ADH1C: variants seen among roughly 807,000 people sequenced by gnomAD.
The protein encoded by ADH1C is alcohol dehydrogenase 1C (class I), gamma polypeptide, also known as alcohol dehydrogenase 1C.
ADH1C carries 26 observed loss-of-function variants against 35.0 expected under a neutral mutation model. That is an observed-to-expected ratio of 0.74 (90% CI 0.54 to 1.03). The LOEUF (loss-of-function observed/expected upper bound fraction) is 1.03. Among genes scored for constraint, ADH1C ranks in the 50% least tolerant of loss-of-function variants. The pLI is 0.00. For missense variants in ADH1C, 413 were observed against 465.4 expected (o/e 0.89, Z 1.04); for synonymous variants, 170 against 169.3 (o/e 1.00, Z -0.03).
intron 1 of ADH1C, among the ~76,000 whole-genome samples, chr4:99,348,298 C>T (rs983782905): frequency 6.8e-5 from 9 of 132,844 alleles, no homozygotes; most frequent in Non-Finnish European, 1.3e-4. Flanking sequence ...CACAATAGTC[C>T]CCAGAGTGTG....
At chr4:99,341,671 A>C (rs1004259750) in intron 6 of ADH1C, among the ~76,000 whole-genome samples, 3 of 152,184 alleles carry the variant, frequency 2.0e-5, no homozygotes, top group Admixed American at 2.0e-4. Context: ...AACCTCAGCA[A>C]TGGAAACTTT....
chr4:99,346,989 G>A lies in ADH1C; in HGVS notation c.259+17C>T. The A allele has an allele frequency of 6.2e-7, 1 of 1,611,204 alleles. No homozygotes were observed. Among genetic ancestry groups the A allele is most frequent in the Non-Finnish European group, 8.5e-7 (1 of 1,178,880 alleles). ...GATGGTGAACCAAGGCATGTTCCCT[G>A]AGTGTGAATCCTGTACCTGGTTTGA... On this transcript the variant is annotated intron_variant, in intron 3 of 8. Coordinates refer to ENST00000515683, the MANE Select transcript of ADH1C (RefSeq NM_000669.5).
At chr4:99,347,706 T>A (rs574551283) in intron 2 of ADH1C, 39 bp downstream of exon 2, 2 of 1,556,430 alleles carry the variant, frequency 1.3e-6, no homozygotes, top group South Asian at 2.5e-5. Flanking sequence ...CTGAATTCTT[T>A]AAACTTAAAA....
At chr4:99,349,391 T>C (rs1457889923) in intron 1 of ADH1C, among the ~76,000 whole-genome samples, 1 of 152,190 alleles carries the variant, frequency 6.6e-6, no homozygotes, top group Non-Finnish European at 1.5e-5. Context: ...GATTTTTTTT[T>C]CTCCAAAGAT....
rs753360532 is a variant in ADH1C, at chr4:99,347,045, C to T, written c.220G>A (p.Val74Met). The T allele has an allele frequency of 8.1e-6, 13 of 1,613,926 alleles. No individual in the cohort carries two copies. Among genetic ancestry groups the T allele is most frequent in the Middle Eastern group, 1.6e-4 (1 of 6,084 alleles). The change falls in exon 3 of 9, where the codon GTG becomes ATG. Residue 74 changes from valine to methionine, a missense_variant. Transcript: ENST00000515683. ...VILGHEAAGI[V>M]ESVGEGVTTV... ...GTCACCCCTTCTCCAACACTTTCCACGATGCCGGCTGCCTCATGGCCTAAA... is the reference window on the plus strand; with the variant it reads ...GTCACCCCTTCTCCAACACTTTCCATGATGCCGGCTGCCTCATGGCCTAAA...
chr4:99,343,624 C>T (rs979936044), intron 5 of ADH1C, among the ~76,000 whole-genome samples: 1 of 152,180 alleles, frequency 6.6e-6, no homozygotes, highest in Non-Finnish European at 1.5e-5. Context: ...GTATATCCCT[C>T]CTTTAAAAAA....
At position 99,349,466 on chromosome 4, in the gene ADH1C, T is replaced by C. The variant is rs533437862; in HGVS notation, c.19-1620A>G. ...CTGTTTACCCACAACTATTGGCTGG[T>C]ACATGTTCTAAGTCACCTTTACTTT... On this transcript the variant is annotated intron_variant, in intron 1 of 8. Transcript: ENST00000515683. Among the ~76,000 whole-genome samples, 936 of 152,284 alleles carry C rather than the reference T, an allele frequency of 6.1e-3. 10 individuals carry two copies. Among genetic ancestry groups the C allele is most frequent in the African/African-American group, 0.022 (898 of 41,560 alleles).
At position 99,336,545 on chromosome 4, in the gene ADH1C, A is replaced by G. The variant is rs1734280885; in HGVS notation, c.*207T>C. ...GCTTCAATTCCCCAGTTGATGTTCA[A>G]CACTTTATTTAGTTCTCATTTGGAT... On this transcript the variant is annotated 3_prime_UTR_variant, in exon 9 of 9. Coordinates refer to ENST00000515683, the MANE Select transcript of ADH1C (RefSeq NM_000669.5). 1.5e-6 allele frequency: 1 copy of G among 652,456 alleles called. No homozygotes were observed. Among genetic ancestry groups the G allele is most frequent in the Non-Finnish European group, 2.6e-6 (1 of 383,002 alleles). 40.4% of individuals were successfully genotyped at this position (652,456 alleles called of 1,614,324 possible). A position where few individuals can be genotyped will look rare whatever the true frequency, so the allele number is the denominator to read the frequency against.
chr4:99,336,718 G>A lies in ADH1C; in HGVS notation c.*34C>T. 1 of 1,612,440 alleles carries A rather than the reference G, an allele frequency of 6.2e-7. No individual in the cohort carries two copies. Among genetic ancestry groups the A allele is most frequent in the Non-Finnish European group, 8.5e-7 (1 of 1,178,616 alleles). ...CAGATCATGTAGGGTAGAGGAGGCTGAAAACTGCTACAAGGGAAGGCATCT... is the reference window on the plus strand; with the variant it reads ...CAGATCATGTAGGGTAGAGGAGGCTAAAAACTGCTACAAGGGAAGGCATCT... On this transcript the variant is annotated 3_prime_UTR_variant, in exon 9 of 9. Coordinates refer to ENST00000515683, the MANE Select transcript of ADH1C (RefSeq NM_000669.5).
rs67420531 is a variant in ADH1C at position 99,336,772 on chromosome 4, G to A, written c.1108C>T (p.Arg370Cys). ...FDLLRSGKSI[R>C]TVLTF ...TTGTTTCAAAACGTCAGGACGGTAC[G>A]GATACTGCAATAGGAAAGAAGAGAC... Residue 370 changes from arginine to cysteine, a missense_variant, in exon 9 of 9, where the codon CGT becomes TGT. Transcript: ENST00000515683. 4.3e-6 allele frequency: 7 copies of A among 1,613,500 alleles called. No individual in the cohort carries two copies. The highest frequency in any genetic ancestry group is 1.7e-5 in the Admixed American group (1 of 59,920).
intron 1 of ADH1C, 140 bp downstream of exon 1, chr4:99,352,518 T>A: frequency 1.7e-6 from 1 of 601,928 alleles, no homozygotes; most frequent in East Asian, 3.2e-5. Context: ...CATTTCTAAT[T>A]TAGATATGAA....
intron 8 of ADH1C, among the ~76,000 whole-genome samples, chr4:99,339,216 G>C (rs1455898213): frequency 6.6e-6 from 1 of 152,090 alleles, no homozygotes; most frequent in African/African-American, 2.4e-5. Context: ...TTATATGACA[G>C]GCAGAGGTGT....
chr4:99,345,281 AAC>A lies in ADH1C; in HGVS notation c.260-17_260-16del. Reference sequence around the variant, plus strand: ...GACTTTATCACCTGCAGAGGAATAAAACAAATTCTTCTTAAATTTCTATGCAG... The same window carrying A: ...GACTTTATCACCTGCAGAGGAATAAAAAATTCTTCTTAAATTTCTATGCAG... On this transcript the variant is annotated splice_polypyrimidine_tract_variant and intron_variant, in intron 3 of 8. Transcript: ENST00000515683. 1 of 1,605,696 alleles carries A rather than the reference AAC, an allele frequency of 6.2e-7. No homozygotes were observed. Among genetic ancestry groups the A allele is most frequent in the Non-Finnish European group, 8.5e-7 (1 of 1,174,030 alleles).
intron 8 of ADH1C, 62 bp downstream of exon 8, chr4:99,339,512 GCCC>G (rs5860576): frequency 0.65 from 483,043 of 741,970 alleles, 150,950 homozygotes; most frequent in South Asian, 0.74. Context: ...GCTAGACAAC[GCCC>G]CCCCCCCCCC....
In ADH1C at chr4:99,352,678, T is replaced by A. The variant is rs369828432; in HGVS notation, c.-3A>T. ...CTTACTTTTCCTGCTGTGCTCATAT[T>A]GATTCTGTCTTCTCTGCAGACCAGG... On this transcript the variant is annotated 5_prime_UTR_variant, in exon 1 of 9. Transcript: ENST00000515683. 4.3e-6 allele frequency: 7 copies of A among 1,613,002 alleles called. No individual in the cohort carries two copies. In the African/African-American group the frequency reaches 9.3e-5, roughly 22 times the overall value.
In ADH1C at chr4:99,345,222, T is replaced by A; in HGVS notation, c.304A>T (p.Arg102Ter). 1.2e-6 allele frequency: 2 copies of A among 1,614,102 alleles called. No individual in the cohort carries two copies. Among genetic ancestry groups the A allele is most frequent in the Non-Finnish European group, 1.7e-6 (2 of 1,179,964 alleles). The change falls in exon 4 of 9, where the codon AGA (arginine) becomes TGA (stop). Residue 102 changes from arginine to a stop codon, truncating the protein, a stop_gained. Coordinates refer to ENST00000515683, the MANE Select transcript of ADH1C (RefSeq NM_000669.5). LOFTEE classifies it high-confidence loss of function. ...TTGCTTTCTGGGTTTTTACAAATTC[T>A]GCATTTTCCACACTGAGGAGTAAAG... ...PLFTPQCGKC[R>*]ICKNPESNYC...
chr4:99,336,870 A>C, intron 8 of ADH1C, 94 bp from the exon 9 acceptor site: 1 of 1,556,884 alleles, frequency 6.4e-7, no homozygotes, highest in East Asian at 2.3e-5. Context: ...GACTTAGTGA[A>C]AATCTCTCTG....
intron 1 of ADH1C, among the ~76,000 whole-genome samples, chr4:99,348,749 T>C (rs1734603221): frequency 6.6e-6 from 1 of 151,802 alleles, no homozygotes; most frequent in Admixed American, 6.6e-5. Context: ...ACCAACAGTG[T>C]AAAAGCGTTC....
chr4:99,350,637 T>C (rs2110664877), intron 1 of ADH1C, among the ~76,000 whole-genome samples: 1 of 152,374 alleles, frequency 6.6e-6, no homozygotes, highest in Non-Finnish European at 1.5e-5. Flanking sequence ...TATCCACTCG[T>C]TGGTTGATGG....
Sources: allele counts gnomAD v4.1 joint callset (sites outside exome capture counted in the v4.1 genomes callset), GRCh38; gene constraint gnomAD v4.1.1; transcripts MANE v1.5; gene names NCBI Gene and HGNC (gene_info 2026-07-23, HGNC 2026-07-21).